SUMF1: variants seen among roughly 807,000 people sequenced by gnomAD.
SUMF1 encodes sulfatase modifying factor 1.
SUMF1 carries 48 observed loss-of-function variants against 47.6 expected under a neutral mutation model. That is an observed-to-expected ratio of 1.01 (90% CI 0.80 to 1.28). The LOEUF is 1.28. SUMF1 is among the 50% of genes most tolerant of loss of function. SUMF1 has a pLI of 0.00. For missense variants in SUMF1, 571 were observed against 485.4 expected, an observed-to-expected ratio of 1.18 and a Z score of -1.66; for synonymous variants, 230 against 192.1, an observed-to-expected ratio of 1.20 and a Z score of -1.63.
At chr3:4,204,251 C>T (rs1695603168) in intron 8 of SUMF1, among the ~76,000 whole-genome samples, 1 of 152,012 alleles carries the variant, frequency 6.6e-6, no homozygotes, top group Non-Finnish European at 1.5e-5. Context: ...TATTCAAATA[C>T]ATACAATGTT....
At chr3:4,161,981 T>C (rs1203883767) in intron 8 of SUMF1, among the ~76,000 whole-genome samples, 1 of 152,148 alleles carries the variant, frequency 6.6e-6, no homozygotes, top group Non-Finnish European at 1.5e-5. Flanking sequence ...GGGCTACCAC[T>C]GCTGATTTTT....
intron 8 of SUMF1, among the ~76,000 whole-genome samples, chr3:4,260,598 C>T (rs902354584): frequency 1.3e-5 from 2 of 152,006 alleles, no homozygotes; most frequent in Non-Finnish European, 2.9e-5. Context: ...CAGATGCTGG[C>T]TATGGTGACA....
intron 8 of SUMF1, among the ~76,000 whole-genome samples, chr3:4,123,040 C>G (rs1219895762): frequency 1.3e-5 from 2 of 152,024 alleles, no homozygotes; most frequent in African/African-American, 2.4e-5. Flanking sequence ...CAGAAGTGGC[C>G]TTTGTTTTCA....
chr3:4,330,601 T>A (rs928872681), intron 8 of SUMF1, among the ~76,000 whole-genome samples: 1 of 152,134 alleles, frequency 6.6e-6, no homozygotes, highest in African/African-American at 2.4e-5. Context: ...CCTTGACACA[T>A]GGGATTATTA....
chr3:4,037,908 A>C (rs1244410411), intron 9 of SUMF1, among the ~76,000 whole-genome samples: 1 of 152,122 alleles, frequency 6.6e-6, no homozygotes, highest in Admixed American at 6.6e-5. Flanking sequence ...TTGGTTTCAC[A>C]GTTGGCGGGT....
At chr3:4,429,352 A>C (rs1038471883) in intron 3 of SUMF1, among the ~76,000 whole-genome samples, 2 of 152,224 alleles carry the variant, frequency 1.3e-5, no homozygotes, top group South Asian at 2.1e-4. Context: ...TTACTTATAG[A>C]TCTTTACAGG....
chr3:4,125,092 T>C (rs952888778), intron 8 of SUMF1, among the ~76,000 whole-genome samples: 1 of 152,118 alleles, frequency 6.6e-6, no homozygotes, highest in African/African-American at 2.4e-5. Context: ...CAAAATAAAA[T>C]GTTAAATACT....
At chr3:4,079,491 C>T (rs1692511787) in intron 8 of SUMF1, among the ~76,000 whole-genome samples, 1 of 151,830 alleles carries the variant, frequency 6.6e-6, no homozygotes, top group African/African-American at 2.4e-5. Flanking sequence ...TACAGTGTAG[C>T]TCTTAGGAAT....
chr3:4,420,141 T>C lies in SUMF1; in HGVS notation c.525A>G (p.Ala175=), dbSNP rs1390813035. The change falls in exon 4 of 9, where the codon GCA becomes GCG. Residue 175 remains alanine, a synonymous_variant. Coordinates refer to ENST00000272902, the MANE Select transcript of SUMF1 (RefSeq NM_182760.4). The part of the protein sequence containing the change: ...QVKTNIQQAV[A]AAPWWLPVKG... ...TCACAGGTAACCACCAGGGAGCAGC[T>C]GCAACCTCAAAGCAACCCAGAACAG... 3.7e-6 allele frequency: 6 copies of C among 1,613,882 alleles called. No individual in the cohort carries two copies. The highest frequency in any genetic ancestry group is 4.2e-6 in the Non-Finnish European group (5 of 1,179,972).
At chr3:4,384,783 T>C (rs916703461) in intron 7 of SUMF1, among the ~76,000 whole-genome samples, 8 of 152,210 alleles carry the variant, frequency 5.3e-5, no homozygotes, top group Non-Finnish European at 8.8e-5. Context: ...CGAATAAAGA[T>C]GCTATGTACA....
intron 8 of SUMF1, among the ~76,000 whole-genome samples, chr3:4,259,904 A>G (rs771602190): frequency 3.3e-5 from 5 of 152,092 alleles, no homozygotes; most frequent in African/African-American, 4.8e-5. Flanking sequence ...TAACCAACGG[A>G]GATAATATTG....
At chr3:4,078,139 C>T (rs544358949) in intron 8 of SUMF1, among the ~76,000 whole-genome samples, 8 of 152,118 alleles carry the variant, frequency 5.3e-5, no homozygotes, top group African/African-American at 1.4e-4. Context: ...CCCACTGAGC[C>T]GAAATATGAC....
At position 4,341,146 on chromosome 3, in the gene SUMF1, G is replaced by C. The variant is rs562741761; in HGVS notation, c.1014+35184C>G. 3.2e-4 allele frequency among the ~76,000 whole-genome samples: 48 copies of C among 152,108 alleles called. 1 individual carries two copies. Among genetic ancestry groups the C allele is most frequent in the Admixed American group, 2.7e-3 (42 of 15,278 alleles). On this transcript the variant is annotated intron_variant and NMD_transcript_variant, in intron 8 of 12. Coordinates refer to the SUMF1 transcript ENST00000448413. ...CAAAAAGTAACAAAAAACATCACAT[G>C]AGCTGGCATTATTGCCAGAAAGTAC...
intron 9 of SUMF1, among the ~76,000 whole-genome samples, chr3:4,066,372 T>G (rs1180523838): frequency 6.6e-6 from 1 of 152,108 alleles, no homozygotes; most frequent in East Asian, 1.9e-4. Flanking sequence ...ACATAAAATT[T>G]AACTGTTATA....
At chr3:4,215,215 A>T (rs1009850897) in intron 8 of SUMF1, among the ~76,000 whole-genome samples, 3 of 152,208 alleles carry the variant, frequency 2.0e-5, no homozygotes, top group Non-Finnish European at 4.4e-5. Flanking sequence ...AGTCGGCTTC[A>T]TCTCTGGGAT....
chr3:4,104,259 C>G (rs368976341), intron 8 of SUMF1, among the ~76,000 whole-genome samples: 1 of 152,092 alleles, frequency 6.6e-6, no homozygotes, highest in African/African-American at 2.4e-5. Context: ...CTCTCATTCT[C>G]TCGTCTGCCA....
intron 8 of SUMF1, among the ~76,000 whole-genome samples, chr3:4,154,336 G>C (rs1186942902): frequency 6.6e-6 from 1 of 151,434 alleles, no homozygotes; most frequent in African/African-American, 2.5e-5. Flanking sequence ...CCACTAGGAA[G>C]CTTTCCACCC....
intron 9 of SUMF1, among the ~76,000 whole-genome samples, chr3:4,046,387 T>C (rs895345282): frequency 1.3e-5 from 2 of 152,142 alleles, no homozygotes; most frequent in African/African-American, 4.8e-5. Context: ...TCCCTTGCAG[T>C]TAGATCTGGC....
At chr3:4,342,216 GCTTT>G (rs1210778739) in intron 8 of SUMF1, among the ~76,000 whole-genome samples, 6 of 152,288 alleles carry the variant, frequency 3.9e-5, no homozygotes, top group Admixed American at 2.6e-4. Flanking sequence ...TCATGGTAAA[GCTTT>G]CTGTTATCAT....
Sources: gnomAD v4.1 joint callset for allele counts (sites outside exome capture counted in the v4.1 genomes callset) on GRCh38, gnomAD v4.1.1 for gene constraint, MANE v1.5 for transcripts, NCBI Gene and HGNC (gene_info 2026-07-23, HGNC 2026-07-21) for gene names.